Variants in CAD observed in about 807,000 individuals in gnomAD.
CAD encodes the protein carbamoyl-phosphate synthetase 2, aspartate transcarbamylase, and dihydroorotase, also known as multifunctional protein CAD.
Under a neutral mutation model 237.2 loss-of-function variants are expected in CAD, and 81 were observed. That is an observed-to-expected ratio of 0.34 (90% CI 0.29 to 0.41). The LOEUF is 0.41. Among genes scored for constraint, CAD ranks in the 10% least tolerant of loss-of-function variants. CAD has a pLI of 1.00. For missense variants in CAD, 2,181 were observed against 2,951.7 expected, an observed-to-expected ratio of 0.74 and a Z score of 6.05; for synonymous variants, 1,196 against 1,162.8, an observed-to-expected ratio of 1.03 and a Z score of -0.58.
At chr2:27,218,543 T>A (rs1674987713) in intron 2 of CAD, among the ~76,000 whole-genome samples, 1 of 151,978 alleles carries the variant, frequency 6.6e-6, no homozygotes, top group Admixed American at 6.6e-5. Context: ...GAAACTAGGG[T>A]CACATACTTC....
rs894507833 is a variant in CAD at position 27,227,289 on chromosome 2, T to C, written c.2287+327T>C. Among the ~76,000 whole-genome samples, 7 of 152,194 alleles carry C rather than the reference T, an allele frequency of 4.6e-5. 1 individual carries two copies. The highest frequency in any genetic ancestry group is 1.4e-4 in the African/African-American group (6 of 41,444). ...CAGAGCAGGGCATCATAAACCTTTT[T>C]GGTAACAAGGAAATTTATTAGTGAA... On this transcript the variant is annotated intron_variant, in intron 15 of 43. Transcript: ENST00000264705.
rs367883101 is a variant in CAD at position 27,241,031 on chromosome 2, C to G, written c.5639-27C>G. 79 of 1,613,138 alleles carry G rather than the reference C, an allele frequency of 4.9e-5. No individual in the cohort carries two copies. The African/African-American group carries it at 5.2e-4, about 11-fold the overall frequency. ...TTGGTAGGAGGAACCCTCTGACCAG[C>G]CTTTTCTGCCCCATCCCTCACTGCA... is the stretch of plus-strand genomic sequence containing the variant. On this transcript the variant is annotated intron_variant, in intron 36 of 43. Transcript: ENST00000264705. The surrounding 1 kb of genome is among the most constrained non-coding windows in gnomAD (Gnocchi z 4.6).
At chr2:27,223,490 T>G in intron 6 of CAD, 73 bp from the exon 7 acceptor site, 59 of 1,313,782 alleles carry the variant, frequency 4.5e-5, no homozygotes, top group Non-Finnish European at 5.7e-5. Flanking sequence ...AGGAGATCGG[T>G]GAGAGCTGGG....
chr2:27,228,942 C>T (rs1358345077), intron 15 of CAD, among the ~76,000 whole-genome samples: 1 of 113,768 alleles, frequency 8.8e-6, no homozygotes, highest in Non-Finnish European at 1.7e-5. Context: ...TTTTTTGAGG[C>T]AGAGTCTTCC....
At chr2:27,228,785 T>G (rs1434768038) in intron 15 of CAD, among the ~76,000 whole-genome samples, 1 of 152,126 alleles carries the variant, frequency 6.6e-6, no homozygotes, top group Non-Finnish European at 1.5e-5. Context: ...AGACAGGGTT[T>G]CTCCCTGTTG....
chr2:27,243,804 C>A lies in CAD; in HGVS notation c.*286C>A. ...TCCCTTGATGCTGAGTGTAGTAGAACAGAGCTTTCTTTTAGAAAATTGAGC... is the reference window on the plus strand; with the variant it reads ...TCCCTTGATGCTGAGTGTAGTAGAAAAGAGCTTTCTTTTAGAAAATTGAGC... On this transcript the variant is annotated 3_prime_UTR_variant, in exon 44 of 44. Transcript: ENST00000264705. 1 of 387,914 alleles carries A rather than the reference C, an allele frequency of 2.6e-6. No homozygotes were observed. The highest frequency in any genetic ancestry group is 4.6e-6 in the Non-Finnish European group (1 of 216,156). 24.0% of individuals were successfully genotyped at this position (387,914 alleles called of 1,614,324 possible). A position where few individuals can be genotyped will look rare whatever the true frequency, so the allele number is the denominator to read the frequency against.
chr2:27,233,241 G>C lies in CAD; in HGVS notation c.2992-71G>C. The C allele has an allele frequency of 6.6e-7, 1 of 1,515,972 alleles. No individual in the cohort carries two copies. The highest frequency in any genetic ancestry group is 9.2e-7 in the Non-Finnish European group (1 of 1,091,948). The allele number at this position is 1,515,972 out of a possible 1,614,324, so 93.9% of individuals were successfully genotyped here. On this transcript the variant is annotated intron_variant, in intron 19 of 43. Transcript: ENST00000264705. This position sits in a 1 kb window ranked among gnomAD's most constrained non-coding sequence, Gnocchi z 6.3. ...TGAAACTTGGTGGCGGCTGAGGGAA[G>C]CAGTGAGCAGGAAGGCTCAGATTCC...
At chr2:27,234,391 G>A in intron 22 of CAD, 127 bp from the exon 23 acceptor site, 1 of 1,141,534 alleles carries the variant, frequency 8.8e-7, no homozygotes, top group Non-Finnish European at 1.3e-6. Context: ...GCTTATGACA[G>A]TCAGTGACCC....
At chr2:27,227,049 C>T (rs147538322) in intron 15 of CAD, 87 bp downstream of exon 15, 37 of 1,172,064 alleles carry the variant, frequency 3.2e-5, no homozygotes, top group African/African-American at 1.8e-4. Flanking sequence ...TGGCCTTTTA[C>T]GTCCTATGGG....
At position 27,232,354 on chromosome 2, in the gene CAD, A is replaced by T; in HGVS notation, c.2646-94A>T. ...GAGGCTTCTGACCTTGGTTCCAAGG[A>T]TATTTCCTCTCATCTGTGCCCTGGG... is the stretch of plus-strand genomic sequence containing the variant. On this transcript the variant is annotated intron_variant, in intron 17 of 43. Transcript: ENST00000264705. The surrounding 1 kb of genome is among the most constrained non-coding windows in gnomAD (Gnocchi z 4.1). 13 of 1,579,974 alleles carry T rather than the reference A, an allele frequency of 8.2e-6. No homozygotes were observed. Among genetic ancestry groups the T allele is most frequent in the Non-Finnish European group, 1.1e-5 (13 of 1,162,186 alleles).
chr2:27,224,947 A>C (rs1675359228), intron 10 of CAD, 63 bp from the exon 11 acceptor site: 1 of 1,609,608 alleles, frequency 6.2e-7, no homozygotes, highest in Non-Finnish European at 8.5e-7. Flanking sequence ...GTGGGTTATT[A>C]AACTTTGATT....
chr2:27,229,766 C>T (rs992563877), intron 15 of CAD, among the ~76,000 whole-genome samples: 26 of 151,086 alleles, frequency 1.7e-4, no homozygotes, highest in African/African-American at 5.6e-4. Context: ...GTCCCAGCTA[C>T]TCAGGAGGCT....
In CAD at chr2:27,239,969, G is replaced by C. The variant is rs1407736425; in HGVS notation, c.5496+171G>C. ...TAAAATGCTGGGCCAGGCCAGATGT[G>C]GTGGCTCACACTTGTAATCCCAGCA... On this transcript the variant is annotated intron_variant, in intron 34 of 43. Coordinates refer to ENST00000264705, the MANE Select transcript of CAD (RefSeq NM_004341.5). The surrounding 1 kb of genome is among the most constrained non-coding windows in gnomAD (Gnocchi z 4.0). The C allele has an allele frequency of 1.5e-5, 9 of 599,662 alleles. No individual in the cohort carries two copies. The highest frequency in any genetic ancestry group is 2.6e-5 in the Non-Finnish European group (9 of 351,100). 37.1% of individuals were successfully genotyped at this position (599,662 alleles called of 1,614,324 possible). A position where few individuals can be genotyped will look rare whatever the true frequency, so the allele number is the denominator to read the frequency against.
rs760188713 is a variant in CAD at position 27,240,311 on chromosome 2, G to A, written c.5543G>A (p.Arg1848His). 6.2e-6 allele frequency: 10 copies of A among 1,613,808 alleles called. No individual in the cohort carries two copies. The highest frequency in any genetic ancestry group is 5.0e-5 in the Admixed American group (3 of 59,980). The change falls in exon 35 of 44, where the codon CGC becomes CAC. Residue 1848 changes from arginine (R) to histidine (H), a missense_variant. Physicochemically the swap from Arg to His is conservative, Grantham distance 29 (BLOSUM62 0). Coordinates refer to ENST00000264705, the MANE Select transcript of CAD (RefSeq NM_004341.5). The surrounding 1 kb of genome is among the most constrained non-coding windows in gnomAD (Gnocchi z 4.6). Reference protein sequence around the residue: ...RRGIPGLPDGRFHLPPRIHRA... With the variant: ...RRGIPGLPDGHFHLPPRIHRA... ...GGCATCCCAGGGCTTCCTGATGGCC[G>A]CTTCCATCTGCCGCCCCGAATCCAT...
chr2:27,236,872 C>G lies in CAD; in HGVS notation c.4396+42C>G, dbSNP rs1390542925. 2 of 1,550,348 alleles carry G rather than the reference C, an allele frequency of 1.3e-6. No homozygotes were observed. Among genetic ancestry groups the G allele is most frequent in the Admixed American group, 3.3e-5 (2 of 59,934 alleles). ...AACTTGGCTTCTGAACACTGGCAGC[C>G]CCTGGCATAGAGACCTGCAGTGTGG... On this transcript the variant is annotated intron_variant, in intron 27 of 43. Coordinates refer to ENST00000264705, the MANE Select transcript of CAD (RefSeq NM_004341.5). This position sits in a 1 kb window ranked among gnomAD's most constrained non-coding sequence, Gnocchi z 4.1.
chr2:27,217,400 G>A lies in CAD; in HGVS notation c.-152G>A. Reference sequence around the variant, plus strand: ...TGCTGCTGCCGCCAAGCGCGCCCGAGGCTCCTACGCTGCCGCGCCCGGCTT... The same window carrying A: ...TGCTGCTGCCGCCAAGCGCGCCCGAAGCTCCTACGCTGCCGCGCCCGGCTT... On this transcript the variant is annotated 5_prime_UTR_variant, in exon 1 of 44. Coordinates refer to ENST00000264705, the MANE Select transcript of CAD (RefSeq NM_004341.5). The A allele has an allele frequency of 7.3e-6, 5 of 688,270 alleles. No homozygotes were observed. Among genetic ancestry groups the A allele is most frequent in the Non-Finnish European group, 1.3e-5 (5 of 389,584 alleles). 42.6% of individuals were successfully genotyped at this position (688,270 alleles called of 1,614,324 possible).
chr2:27,231,676 G>C (rs917446231), intron 16 of CAD, 96 bp downstream of exon 16: 1 of 765,020 alleles, frequency 1.3e-6, no homozygotes, highest in African/African-American at 1.7e-5. Flanking sequence ...ACTAGCAGCA[G>C]TCATCATTGG....
rs1010543783 is a variant in CAD, at chr2:27,235,559, T to C, written c.3993T>C (p.Thr1331=). The C allele has an allele frequency of 3.1e-6, 5 of 1,614,178 alleles. No individual in the cohort carries two copies. The highest frequency in any genetic ancestry group is 8.5e-7 in the Non-Finnish European group (1 of 1,180,012). The change falls in exon 25 of 44, where the codon ACT becomes ACC. Residue 1331 remains threonine (T), a synonymous_variant. Coordinates refer to ENST00000264705, the MANE Select transcript of CAD (RefSeq NM_004341.5). This position sits in a 1 kb window ranked among gnomAD's most constrained non-coding sequence, Gnocchi z 5.2. The part of the protein sequence containing the change: ...SYKNKSELLP[T]VRLLESLGYS... ...AGAACAAAAGCGAGCTGCTCCCAAC[T>C]GTGCGGCTACTGGAGAGCCTGGGCT... is the stretch of plus-strand genomic sequence containing the variant.
In CAD at chr2:27,239,168, A is replaced by T; in HGVS notation, c.5189A>T (p.Gln1730Leu). The change falls in exon 32 of 44, where the codon CAG becomes CTG. Residue 1730 changes from glutamine to leucine, a missense_variant. By Grantham distance (113) the Gln-to-Leu change is moderately radical (BLOSUM62 -2). Coordinates refer to ENST00000264705, the MANE Select transcript of CAD (RefSeq NM_004341.5). The surrounding 1 kb of genome is among the most constrained non-coding windows in gnomAD (Gnocchi z 4.0). ...CGGCTCAGCCTGGACGACCTGCTGC[A>T]GCGATTGCACCACAATCCTCGGCGC... Reference protein sequence around the residue: ...EGRLSLDDLLQRLHHNPRRIF... With the variant: ...EGRLSLDDLLLRLHHNPRRIF... 1 of 1,613,184 alleles carries T rather than the reference A, an allele frequency of 6.2e-7. No homozygotes were observed. The highest frequency in any genetic ancestry group is 1.1e-5 in the South Asian group (1 of 90,936).
Sources: gnomAD v4.1 joint callset for allele counts (sites outside exome capture counted in the v4.1 genomes callset) on GRCh38, gnomAD v4.1.1 for gene constraint, Gnocchi (gnomAD v3.1) non-coding constraint, MANE v1.5 for transcripts, NCBI Gene and HGNC (gene_info 2026-07-23, HGNC 2026-07-21) for gene names.